The following TAOK3 variants were observed in gnomAD, a reference collection of about 807,000 sequenced individuals.
TAOK3 encodes serine/threonine-protein kinase TAO3.
Under a neutral mutation model 120.4 loss-of-function variants are expected in TAOK3, and 40 were observed. That is an observed-to-expected ratio of 0.33 (90% CI 0.26 to 0.43). The LOEUF (loss-of-function observed/expected upper bound fraction) is 0.43. Ranked by LOEUF, TAOK3 falls within the 20% of genes least tolerant of loss-of-function variation. The pLI is 1.00. For missense variants in TAOK3, 821 were observed against 1,112.1 expected (o/e 0.74, Z 3.72); for synonymous variants, 355 against 387.5 (o/e 0.92, Z 0.99).
intron 17 of TAOK3, among the ~76,000 whole-genome samples, chr12:118,169,424 C>T (rs1172983572): frequency 6.6e-6 from 1 of 150,578 alleles, no homozygotes; most frequent in Non-Finnish European, 1.5e-5. Context: ...TCAAGCCATC[C>T]TCCCACCTCA....
At chr12:118,266,879 A>T in intron 1 of TAOK3, 120 bp from the exon 2 acceptor site, 1 of 368,862 alleles carries the variant, frequency 2.7e-6, no homozygotes, top group East Asian at 3.9e-5. Flanking sequence ...TTTTATCTTC[A>T]TCTGTTTGTG....
At chr12:118,344,198 T>C (rs1027388793) in intron 1 of TAOK3, among the ~76,000 whole-genome samples, 28 of 148,816 alleles carry the variant, frequency 1.9e-4, no homozygotes, top group African/African-American at 6.7e-4. Context: ...GAGTCCTTTA[T>C]CTTGTATGCA....
intron 5 of TAOK3, among the ~76,000 whole-genome samples, chr12:118,241,348 A>G (rs976769219): frequency 6.6e-6 from 1 of 152,082 alleles, no homozygotes; most frequent in African/African-American, 2.4e-5. Context: ...TTCTTTAATC[A>G]ATTTTGATGA....
At chr12:118,354,928 A>AC (rs1555261407) in intron 1 of TAOK3, among the ~76,000 whole-genome samples, 1 of 148,074 alleles carries the variant, frequency 6.8e-6, no homozygotes, top group Non-Finnish European at 1.5e-5. Flanking sequence ...TGTCTCTGCA[A>AC]TTTTTTTTTT....
chr12:118,244,647 G>GCC (rs1251567980), intron 4 of TAOK3, among the ~76,000 whole-genome samples: 1 of 149,896 alleles, frequency 6.7e-6, no homozygotes, highest in East Asian at 2.0e-4. Flanking sequence ...TCCTGCCTCA[G>GCC]TCTCCTGAGT....
At chr12:118,201,234 G>T in intron 12 of TAOK3, 62 bp downstream of exon 12, 2 of 1,489,448 alleles carry the variant, frequency 1.3e-6, no homozygotes, top group Non-Finnish European at 1.8e-6. Context: ...ATAGTGCCCA[G>T]TCTAGAACTT....
chr12:118,339,866 C>G (rs1223276225), intron 1 of TAOK3, among the ~76,000 whole-genome samples: 1 of 152,126 alleles, frequency 6.6e-6, no homozygotes, highest in Non-Finnish European at 1.5e-5. Flanking sequence ...TCTTCCAATA[C>G]TTTATAGATT....
At chr12:118,200,070 T>G (rs1377200545) in intron 12 of TAOK3, 1 of 152,100 alleles carries the variant, frequency 6.6e-6, no homozygotes, top group African/African-American at 2.4e-5. Flanking sequence ...TACTTAGCCA[T>G]GGCAATATAA....
chr12:118,370,961 A>G (rs519480), intron 1 of TAOK3, among the ~76,000 whole-genome samples: 63,241 of 152,016 alleles, frequency 0.42, 13,938 homozygotes, highest in Admixed American at 0.48. Context: ...TCTAATTGGA[A>G]AGAGCTCTTA....
chr12:118,352,761 A>T (rs1002432891), intron 1 of TAOK3, among the ~76,000 whole-genome samples: 2 of 152,136 alleles, frequency 1.3e-5, no homozygotes, highest in African/African-American at 4.8e-5. Context: ...CCCAGGCTGA[A>T]GTGCTGTGGC....
At chr12:118,368,740 A>G (rs1000069599) in intron 1 of TAOK3, among the ~76,000 whole-genome samples, 2 of 150,380 alleles carry the variant, frequency 1.3e-5, no homozygotes, top group East Asian at 4.0e-4. Context: ...AGGGAGGCGG[A>G]GGTTGCAGTG....
At chr12:118,335,859 T>G (rs1239138793) in intron 1 of TAOK3, among the ~76,000 whole-genome samples, 1 of 152,110 alleles carries the variant, frequency 6.6e-6, no homozygotes, top group Non-Finnish European at 1.5e-5. Context: ...CACTTATAAT[T>G]ACTTTAAGCA....
intron 14 of TAOK3, among the ~76,000 whole-genome samples, chr12:118,182,599 G>GTATA (rs1212615187): frequency 0.022 from 2,062 of 93,584 alleles, 46 homozygotes; most frequent in Non-Finnish European, 0.028. Flanking sequence ...GTGTGTGTGT[G>GTATA]TATATATATA....
intron 20 of TAOK3, among the ~76,000 whole-genome samples, 168 bp from the exon 21 acceptor site, chr12:118,151,326 AC>A: frequency 6.7e-6 from 1 of 148,802 alleles, no homozygotes; most frequent in Middle Eastern, 3.4e-3. Flanking sequence ...CACAGGAACT[AC>A]GGGAGGACCG....
chr12:118,372,142 G>A lies in TAOK3; in HGVS notation c.-194+506C>T, dbSNP rs1320747915. Reference sequence around the variant, plus strand: ...TTTACTCTGTCCTGGATTCTCTCTGGGTCCCCTCCCCTCACCTCGGGGTCT... The same window carrying A: ...TTTACTCTGTCCTGGATTCTCTCTGAGTCCCCTCCCCTCACCTCGGGGTCT... On this transcript the variant is annotated intron_variant, in intron 1 of 20. Coordinates refer to ENST00000392533, the MANE Select transcript of TAOK3 (RefSeq NM_016281.4). This position sits in a 1 kb window ranked among gnomAD's most constrained non-coding sequence, Gnocchi z 4.6. 6.6e-6 allele frequency among the ~76,000 whole-genome samples: 1 copy of A among 150,942 alleles called. No homozygotes were observed. The highest frequency in any genetic ancestry group is 1.5e-5 in the Non-Finnish European group (1 of 67,758).
At chr12:118,248,525 G>C (rs2040615191) in intron 3 of TAOK3, among the ~76,000 whole-genome samples, 1 of 152,056 alleles carries the variant, frequency 6.6e-6, no homozygotes, top group African/African-American at 2.4e-5. Context: ...GTAGATATTT[G>C]AGGCATCAAT....
intron 8 of TAOK3, among the ~76,000 whole-genome samples, chr12:118,234,777 T>C (rs1263541914): frequency 6.6e-6 from 1 of 152,218 alleles, no homozygotes; most frequent in Non-Finnish European, 1.5e-5. Flanking sequence ...TATAATCAGC[T>C]GTTCCAAAGA....
At chr12:118,370,738 A>G (rs528269071) in intron 1 of TAOK3, among the ~76,000 whole-genome samples, 42 of 152,320 alleles carry the variant, frequency 2.8e-4, no homozygotes, top group African/African-American at 1.0e-3. Flanking sequence ...AACTAGCCTG[A>G]TCATTAGTTT....
At chr12:118,203,586 C>T (rs1368648730) in intron 11 of TAOK3, among the ~76,000 whole-genome samples, 1 of 151,924 alleles carries the variant, frequency 6.6e-6, no homozygotes, top group Non-Finnish European at 1.5e-5. Flanking sequence ...CATCTGTAAT[C>T]CCAGCTACTC....
Sources: gnomAD v4.1 joint callset for allele counts (sites outside exome capture counted in the v4.1 genomes callset) on GRCh38, gnomAD v4.1.1 for gene constraint, Gnocchi (gnomAD v3.1) non-coding constraint, MANE v1.5 for transcripts, NCBI Gene and HGNC (gene_info 2026-07-23, HGNC 2026-07-21) for gene names.